RHCE: variants seen among roughly 807,000 people sequenced by gnomAD.
RHCE encodes the protein blood group Rh(CE) polypeptide.
Under a neutral mutation model 43.8 loss-of-function variants are expected in RHCE, and 22 were observed. That is an observed-to-expected ratio of 0.50 (90% CI 0.36 to 0.72). The LOEUF (loss-of-function observed/expected upper bound fraction) is 0.72, where lower values mean the gene tolerates loss of function less well. Among genes scored for constraint, RHCE ranks in the 30% least tolerant of loss-of-function variants. The pLI is 0.00. For synonymous variants in RHCE, 156 were observed against 210.7 expected, an observed-to-expected ratio of 0.74 and a Z score of 2.25; for missense variants, 385 against 525.4, an observed-to-expected ratio of 0.73 and a Z score of 2.61.
chr1:25,385,927 G>C (rs1467161072), intron 6 of RHCE, 83 bp from the exon 7 acceptor site: 1 of 1,606,794 alleles, frequency 6.2e-7, no homozygotes, highest in Non-Finnish European at 8.5e-7. Flanking sequence ...CTTGGTATCC[G>C]GCGCCACCAA....
At chr1:25,370,173 C>T (rs1276734259) in intron 9 of RHCE, among the ~76,000 whole-genome samples, 4 of 151,658 alleles carry the variant, frequency 2.6e-5, no homozygotes, top group South Asian at 2.1e-4. Flanking sequence ...TATTTGGCTA[C>T]GCTGAGGACT....
intron 3 of RHCE, among the ~76,000 whole-genome samples, chr1:25,396,408 A>G (rs959634342): frequency 3.9e-5 from 6 of 152,222 alleles, no homozygotes; most frequent in African/African-American, 1.4e-4. Context: ...TAACTGAACA[A>G]TGGTTATGTA....
intron 1 of RHCE, among the ~76,000 whole-genome samples, chr1:25,419,272 T>C (rs2042695616): frequency 2.0e-5 from 3 of 152,224 alleles, no homozygotes; most frequent in Admixed American, 1.3e-4. Context: ...TTGGATGTCA[T>C]ACATGGTTGA....
intron 3 of RHCE, chr1:25,399,335 T>C (rs1461710500): frequency 9.3e-6 from 7 of 754,594 alleles, no homozygotes; most frequent in Non-Finnish European, 1.6e-5. Context: ...AATCACAAGA[T>C]TATTTTCAGA....
intron 2 of RHCE, among the ~76,000 whole-genome samples, chr1:25,427,145 T>C (rs1415107192): frequency 1.1e-4 from 16 of 152,098 alleles, no homozygotes; most frequent in Admixed American, 1.0e-3. Context: ...CTGTGATTCT[T>C]ACAGGGCAGG....
At chr1:25,410,720 G>T (rs1449629230) in intron 1 of RHCE, among the ~76,000 whole-genome samples, 1 of 152,132 alleles carries the variant, frequency 6.6e-6, no homozygotes, top group East Asian at 1.9e-4. Context: ...TTTTCGAAAA[G>T]GTGGAAGGGG....
At chr1:25,419,075 G>C (rs1407000210) in intron 1 of RHCE, among the ~76,000 whole-genome samples, 4 of 152,184 alleles carry the variant, frequency 2.6e-5, no homozygotes, top group Non-Finnish European at 4.4e-5. Context: ...ATTGCTAGCT[G>C]AGCGACCTTG....
intron 7 of RHCE, among the ~76,000 whole-genome samples, chr1:25,379,033 C>T (rs926455155): frequency 1.1e-4 from 16 of 152,176 alleles, no homozygotes; most frequent in Non-Finnish European, 1.9e-4. Context: ...TCTCAGTTCA[C>T]TTTCTGTTGC....
chr1:25,423,958 G>A (rs763034173), upstream of RHCE, among the ~76,000 whole-genome samples: 5 of 152,148 alleles, frequency 3.3e-5, no homozygotes, highest in African/African-American at 7.2e-5. Flanking sequence ...TCCGACGTAC[G>A]GTGGTTTGAC....
chr1:25,376,879 A>C (rs1367101008), intron 7 of RHCE, among the ~76,000 whole-genome samples: 1 of 151,906 alleles, frequency 6.6e-6, no homozygotes, highest in African/African-American at 2.4e-5. Flanking sequence ...ACGCCACTGC[A>C]CTCCAGCCTG....
intron 2 of RHCE, among the ~76,000 whole-genome samples, chr1:25,406,549 G>A (rs1462894317): frequency 4.2e-5 from 5 of 119,130 alleles, no homozygotes; most frequent in African/African-American, 1.3e-4. Flanking sequence ...CTGACCTCAG[G>A]TAATCCATCT....
At chr1:25,426,125 A>G (rs2042803658) in intron 2 of RHCE, among the ~76,000 whole-genome samples, 1 of 152,238 alleles carries the variant, frequency 6.6e-6, no homozygotes, top group South Asian at 2.1e-4. Flanking sequence ...ATGTGTAGAA[A>G]ACACTCCATA....
intron 7 of RHCE, among the ~76,000 whole-genome samples, chr1:25,381,461 T>TC (rs1284138789): frequency 6.6e-6 from 1 of 150,958 alleles, no homozygotes; most frequent in East Asian, 1.9e-4. Context: ...CTTTTTCTTT[T>TC]TTTTTTTTTT....
At chr1:25,381,433 T>C (rs903068818) in intron 7 of RHCE, among the ~76,000 whole-genome samples, 9 of 151,994 alleles carry the variant, frequency 5.9e-5, no homozygotes, top group African/African-American at 2.2e-4. Context: ...GAACTGTCTT[T>C]AATGCTCCAT....
intron 3 of RHCE, among the ~76,000 whole-genome samples, chr1:25,395,393 T>C (rs1379686797): frequency 6.6e-6 from 1 of 152,104 alleles, no homozygotes; most frequent in Non-Finnish European, 1.5e-5. Flanking sequence ...ACAGAGATGT[T>C]AGATGTACAG....
chr1:25,429,694 G>C (rs189298400), intron 1 of RHCE, among the ~76,000 whole-genome samples: 2 of 151,816 alleles, frequency 1.3e-5, no homozygotes, highest in Non-Finnish European at 2.9e-5. Flanking sequence ...TCATCCATAG[G>C]GGAAAATTGG....
At chr1:25,427,391 G>A (rs1482414072) in intron 2 of RHCE, among the ~76,000 whole-genome samples, 1 of 152,216 alleles carries the variant, frequency 6.6e-6, no homozygotes, top group East Asian at 1.9e-4. Context: ...TCCCTTCCTT[G>A]TTTCACTCAT....
rs1557636456 is a variant in RHCE, at chr1:25,408,633, G to T, written c.335+50C>A. On this transcript the variant is annotated intron_variant, in intron 2 of 9. Coordinates refer to ENST00000294413, the MANE Select transcript of RHCE (RefSeq NM_020485.8). ...AGATCTTCTGGAACCTGTCCTTTCG[G>T]GGTCCATTCCCTCTATGACCCAGAA... 10 of 1,152,904 alleles carry T rather than the reference G, an allele frequency of 8.7e-6. 3 individuals carry two copies. The highest frequency in any genetic ancestry group is 1.2e-5 in the Non-Finnish European group (10 of 851,776). 71.4% of individuals were successfully genotyped at this position (1,152,904 alleles called of 1,614,324 possible). A position where few individuals can be genotyped will look rare whatever the true frequency, so the allele number is the denominator to read the frequency against.
At chr1:25,424,730 T>C (rs188282767), upstream of RHCE, among the ~76,000 whole-genome samples, 126 of 152,234 alleles carry the variant, frequency 8.3e-4, no homozygotes, top group Non-Finnish European at 1.5e-3. Flanking sequence ...CTCCCCTTTC[T>C]GCTCCCCTTG....
Sources: gnomAD v4.1 joint callset for allele counts (sites outside exome capture counted in the v4.1 genomes callset) on GRCh38, gnomAD v4.1.1 for gene constraint, MANE v1.5 for transcripts, NCBI Gene and HGNC (gene_info 2026-07-23, HGNC 2026-07-21) for gene names.